Variants in TRAPPC8 observed in about 807,000 individuals in gnomAD.
The protein encoded by TRAPPC8 is trafficking protein particle complex subunit 8.
Under a neutral mutation model 174.3 loss-of-function variants are expected in TRAPPC8, and 54 were observed. The ratio of observed to expected loss-of-function variants is 0.31; its 90% CI spans 0.25 to 0.39. The LOEUF (loss-of-function observed/expected upper bound fraction) is 0.39, where lower values mean the gene tolerates loss of function less well. Among genes scored for constraint, TRAPPC8 ranks in the 10% least tolerant of loss-of-function variants. The pLI is 1.00. For missense variants in TRAPPC8, 1,531 were observed against 1,699.1 expected, an observed-to-expected ratio of 0.90 and a Z score of 1.74; for synonymous variants, 630 against 579.9, an observed-to-expected ratio of 1.09 and a Z score of -1.24.
At chr18:31,877,791 C>T (rs867547090) in intron 12 of TRAPPC8, among the ~76,000 whole-genome samples, 8 of 151,606 alleles carry the variant, frequency 5.3e-5, no homozygotes, top group Middle Eastern at 3.2e-3. Flanking sequence ...GGCGTGGTGG[C>T]GCGTGCCTGT....
chr18:31,922,876 G>A (rs1338970368), intron 2 of TRAPPC8, among the ~76,000 whole-genome samples: 2 of 151,986 alleles, frequency 1.3e-5, no homozygotes, highest in Non-Finnish European at 2.9e-5. Context: ...AATTAACCGG[G>A]CATGGTAGCC....
intron 4 of TRAPPC8, among the ~76,000 whole-genome samples, chr18:31,914,082 G>C (rs2037030286): frequency 6.9e-6 from 1 of 144,584 alleles, no homozygotes. Flanking sequence ...AAGACTGCTT[G>C]AGCCCAGGCA....
intron 5 of TRAPPC8, among the ~76,000 whole-genome samples, chr18:31,911,706 G>A (rs1313486218): frequency 1.4e-5 from 2 of 138,924 alleles, no homozygotes; most frequent in African/African-American, 5.5e-5. Flanking sequence ...GCAGTGAGCC[G>A]AGATCATGCC....
At chr18:31,831,888 C>T (rs546433741) in intron 28 of TRAPPC8, among the ~76,000 whole-genome samples, 196 bp downstream of exon 28, 6 of 151,906 alleles carry the variant, frequency 3.9e-5, no homozygotes, top group African/African-American at 1.4e-4. Context: ...TTGTTAAGTA[C>T]TATTTTATAA....
At chr18:31,901,883 T>A (rs1226929789) in intron 9 of TRAPPC8, among the ~76,000 whole-genome samples, 1 of 152,232 alleles carries the variant, frequency 6.6e-6, no homozygotes, top group African/African-American at 2.4e-5. Context: ...GAATGTTTGG[T>A]CAGGCCTAGT....
Position 31,900,911 on chromosome 18 carries a change from A to G in TRAPPC8, c.1490+14T>C. 1.9e-6 allele frequency: 3 copies of G among 1,563,742 alleles called. No individual in the cohort carries two copies. Among genetic ancestry groups the G allele is most frequent in the Non-Finnish European group, 2.6e-6 (3 of 1,158,500 alleles). On this transcript the variant is annotated intron_variant, in intron 10 of 28. Coordinates refer to ENST00000283351, the MANE Select transcript of TRAPPC8 (RefSeq NM_014939.5). ...TTTAACTGGATACAATATAAATCTT[A>G]TATAGTCACCTACTTGCAGATATCT...
intron 19 of TRAPPC8, among the ~76,000 whole-genome samples, chr18:31,862,059 C>T (rs2034356758): frequency 6.6e-6 from 1 of 151,866 alleles, no homozygotes; most frequent in South Asian, 2.1e-4. Flanking sequence ...TCAGAATCTT[C>T]CCATCTGAAA....
chr18:31,924,346 T>C lies in TRAPPC8; in HGVS notation c.353-6679A>G, dbSNP rs1032024292. ...GTGGGCGCCTGTAATCCTAGCTACT[T>C]GGGAGGCTGAGGTAGGGAGAACTGC... is the stretch of plus-strand genomic sequence containing the variant. On this transcript the variant is annotated intron_variant, in intron 2 of 28. Transcript: ENST00000283351. 3.3e-5 allele frequency among the ~76,000 whole-genome samples: 5 copies of C among 150,202 alleles called. No individual in the cohort carries two copies. The East Asian group carries it at 7.8e-4, about 24-fold the overall frequency.
chr18:31,931,233 C>CT, intron 2 of TRAPPC8, 96 bp downstream of exon 2: 1 of 1,211,824 alleles, frequency 8.3e-7, no homozygotes, highest in Non-Finnish European at 1.1e-6. Context: ...TTAGTAAACT[C>CT]TTAAATACAT....
intron 12 of TRAPPC8, among the ~76,000 whole-genome samples, chr18:31,885,228 G>A (rs1395712010): frequency 1.3e-5 from 2 of 152,094 alleles, no homozygotes; most frequent in African/African-American, 2.4e-5. Context: ...GCCACTGGAC[G>A]GCATGAAATG....
rs1226038220 is a variant in TRAPPC8 at position 31,859,972 on chromosome 18, C to T, written c.2746-1990G>A. 6.0e-5 allele frequency among the ~76,000 whole-genome samples: 9 copies of T among 151,144 alleles called. 1 individual carries two copies. Among genetic ancestry groups the T allele is most frequent in the South Asian group, 4.2e-4 (2 of 4,776 alleles). ...CAGAGGTTGCAGTGAGCCGAGATTGCGCCACTGCACTCCAGCCTGGGTGAC... is the reference window on the plus strand; with the variant it reads ...CAGAGGTTGCAGTGAGCCGAGATTGTGCCACTGCACTCCAGCCTGGGTGAC... On this transcript the variant is annotated intron_variant, in intron 19 of 28. Coordinates refer to ENST00000283351, the MANE Select transcript of TRAPPC8 (RefSeq NM_014939.5).
At chr18:31,929,457 T>C (rs1368290877) in intron 2 of TRAPPC8, among the ~76,000 whole-genome samples, 1 of 151,612 alleles carries the variant, frequency 6.6e-6, no homozygotes. Context: ...AGTCCAGGAG[T>C]TCAAGGCTGC....
chr18:31,852,032 T>G (rs559624821), intron 24 of TRAPPC8, among the ~76,000 whole-genome samples: 3 of 152,164 alleles, frequency 2.0e-5, no homozygotes, highest in South Asian at 4.2e-4. Context: ...GTTCAGATGT[T>G]TATTATCCTC....
chr18:31,937,630 AAAAAG>A (rs2038163346), intron 1 of TRAPPC8: 1 of 151,894 alleles, frequency 6.6e-6, no homozygotes, highest in East Asian at 1.9e-4. Flanking sequence ...TCAAGAATTC[AAAAAG>A]AAAAGAAAAA....
chr18:31,928,013 G>A (rs139966468), intron 2 of TRAPPC8, among the ~76,000 whole-genome samples: 3,380 of 151,710 alleles, frequency 0.022, 118 homozygotes, highest in African/African-American at 0.076. Flanking sequence ...AAAATTAGCC[G>A]GGTGTGGTGG....
chr18:31,886,140 G>C (rs1055413022), intron 12 of TRAPPC8, among the ~76,000 whole-genome samples: 1 of 151,224 alleles, frequency 6.6e-6, no homozygotes, highest in Admixed American at 6.6e-5. Context: ...CGAGTAGCTG[G>C]GATTACAGGC....
chr18:31,885,989 G>C (rs2035692038), intron 12 of TRAPPC8, among the ~76,000 whole-genome samples: 1 of 151,470 alleles, frequency 6.6e-6, no homozygotes, highest in Non-Finnish European at 1.5e-5. Context: ...CTATAAACTT[G>C]AGATTGTTTC....
chr18:31,885,260 A>T (rs1214298739), intron 12 of TRAPPC8, among the ~76,000 whole-genome samples: 1 of 152,232 alleles, frequency 6.6e-6, no homozygotes, highest in Non-Finnish European at 1.5e-5. Context: ...TGTCTTCTGT[A>T]TATTCCTACA....
intron 27 of TRAPPC8, among the ~76,000 whole-genome samples, chr18:31,834,273 A>AT (rs553063180): frequency 4.0e-5 from 6 of 151,014 alleles, no homozygotes; most frequent in East Asian, 2.0e-4. Flanking sequence ...CACCCGGCTA[A>AT]TTTTTTTTTA....
Sources: gnomAD v4.1 joint callset for allele counts (sites outside exome capture counted in the v4.1 genomes callset) on GRCh38, gnomAD v4.1.1 for gene constraint, MANE v1.5 for transcripts, NCBI Gene and HGNC (gene_info 2026-07-23, HGNC 2026-07-21) for gene names.